BMERB1: variants seen among roughly 807,000 people sequenced by gnomAD.
The protein encoded by BMERB1 is bMERB domain-containing protein 1.
In BMERB1, 12 loss-of-function variants were observed where a neutral mutation model predicts 23.6. The ratio of observed to expected loss-of-function variants is 0.51; its 90% CI spans 0.33 to 0.82. The LOEUF (loss-of-function observed/expected upper bound fraction) is 0.82. BMERB1 is among the 40% of genes least tolerant of loss of function. The pLI is 0.03. For missense variants in BMERB1, 247 were observed against 255.4 expected (o/e 0.97, Z 0.22); for synonymous variants, 122 against 96.6 (o/e 1.26, Z -1.54).
chr16:15,533,068 C>T (rs924749478), intron 2 of BMERB1: 28 of 454,322 alleles, frequency 6.2e-5, no homozygotes, highest in Non-Finnish European at 1.1e-4. Context: ...TCCAGTATCT[C>T]GCAGGGTGGT....
intron 1 of BMERB1, among the ~76,000 whole-genome samples, chr16:15,465,468 T>G (rs1461197370): frequency 1.3e-5 from 2 of 151,700 alleles, no homozygotes; most frequent in African/African-American, 2.4e-5. Context: ...TTCTCATGCC[T>G]CAGCCTCCCA....
At chr16:15,538,302 A>T (rs2150961896) in intron 2 of BMERB1, among the ~76,000 whole-genome samples, 1 of 152,166 alleles carries the variant, frequency 6.6e-6, no homozygotes, top group Admixed American at 6.5e-5. Flanking sequence ...AAAATACAAA[A>T]ATTAACTGGG....
At chr16:15,455,932 A>G (rs1315587224) in intron 1 of BMERB1, among the ~76,000 whole-genome samples, 1 of 152,172 alleles carries the variant, frequency 6.6e-6, no homozygotes, top group East Asian at 1.9e-4. Flanking sequence ...ATTCTTAATG[A>G]CAATTTGTGG....
intron 1 of BMERB1, among the ~76,000 whole-genome samples, chr16:15,442,731 C>T (rs1045266464): frequency 6.6e-5 from 10 of 152,040 alleles, no homozygotes; most frequent in African/African-American, 2.2e-4. Flanking sequence ...ATGGGGAAAC[C>T]GAGGTTTCAG....
chr16:15,559,713 A>G (rs1383651337), intron 2 of BMERB1, among the ~76,000 whole-genome samples: 1 of 152,198 alleles, frequency 6.6e-6, no homozygotes, highest in Non-Finnish European at 1.5e-5. Context: ...CCTAACCCTG[A>G]TGGACAGCTT....
intron 1 of BMERB1, among the ~76,000 whole-genome samples, chr16:15,504,139 C>G (rs1336555536): frequency 6.6e-6 from 1 of 152,184 alleles, no homozygotes; most frequent in Non-Finnish European, 1.5e-5. Flanking sequence ...ATGCATGGCT[C>G]AAGCGTGAGA....
At chr16:15,547,336 T>G (rs1473255698) in intron 2 of BMERB1, among the ~76,000 whole-genome samples, 1 of 149,268 alleles carries the variant, frequency 6.7e-6, no homozygotes, top group African/African-American at 2.5e-5. Flanking sequence ...TTTGTTTTTT[T>G]CTTCTTCTTT....
At chr16:15,561,316 T>C (rs1465482227) in intron 2 of BMERB1, among the ~76,000 whole-genome samples, 1 of 128,108 alleles carries the variant, frequency 7.8e-6, no homozygotes, top group Non-Finnish European at 1.6e-5. Context: ...TTGGCCAGGC[T>C]GGAGTGCAGT....
intron 1 of BMERB1, among the ~76,000 whole-genome samples, chr16:15,439,884 T>C (rs1455384639): frequency 6.6e-6 from 1 of 152,072 alleles, no homozygotes; most frequent in African/African-American, 2.4e-5. Context: ...TCTTAAAGGA[T>C]GATCAAGATT....
intron 1 of BMERB1, among the ~76,000 whole-genome samples, chr16:15,509,078 G>A (rs1273256432): frequency 2.6e-5 from 4 of 151,946 alleles, no homozygotes; most frequent in East Asian, 1.9e-4. Context: ...ATCCTCCCCC[G>A]GGGATGGAGG....
intron 1 of BMERB1, among the ~76,000 whole-genome samples, chr16:15,476,223 C>T (rs767307268): frequency 2.1e-5 from 3 of 142,008 alleles, no homozygotes; most frequent in African/African-American, 5.3e-5. Context: ...AGTGCAGTGG[C>T]GTGATCTTGG....
At chr16:15,526,197 A>G (rs932144053) in intron 2 of BMERB1, among the ~76,000 whole-genome samples, 1 of 152,110 alleles carries the variant, frequency 6.6e-6, no homozygotes, top group African/African-American at 2.4e-5. Flanking sequence ...CCCTAGAGAA[A>G]CTACACATGA....
At chr16:15,516,236 C>T (rs191173182) in intron 2 of BMERB1, among the ~76,000 whole-genome samples, 4 of 152,012 alleles carry the variant, frequency 2.6e-5, no homozygotes, top group African/African-American at 9.7e-5. Flanking sequence ...CCAGACAGGG[C>T]AATGTAGCCA....
intron 1 of BMERB1, among the ~76,000 whole-genome samples, chr16:15,464,994 A>T (rs1361701352): frequency 6.6e-6 from 1 of 152,136 alleles, no homozygotes; most frequent in African/African-American, 2.4e-5. Flanking sequence ...AAGCCAGCAT[A>T]GATGAAGACC....
chr16:15,490,379 C>T (rs1430987894), intron 1 of BMERB1, among the ~76,000 whole-genome samples: 1 of 152,130 alleles, frequency 6.6e-6, no homozygotes, highest in Non-Finnish European at 1.5e-5. Context: ...AACTCCTAGG[C>T]TCAAGTGATC....
intron 1 of BMERB1, chr16:15,448,020 G>T: frequency 4.8e-6 from 2 of 416,538 alleles, no homozygotes; most frequent in East Asian, 1.4e-4. Context: ...CTCCTGAGTA[G>T]CCGGAATTAC....
intron 2 of BMERB1, among the ~76,000 whole-genome samples, chr16:15,535,328 G>A (rs1261463305): frequency 1.3e-5 from 2 of 152,164 alleles, no homozygotes; most frequent in African/African-American, 2.4e-5. Context: ...TCCAGTCTGG[G>A]CAACAGAGTG....
At chr16:15,530,189 C>T (rs866598145) in intron 2 of BMERB1, among the ~76,000 whole-genome samples, 1 of 152,154 alleles carries the variant, frequency 6.6e-6, no homozygotes, top group African/African-American at 2.4e-5. Context: ...AAATGTATGC[C>T]TAGCATTCCA....
chr16:15,523,618 T>C (rs1237423252), intron 2 of BMERB1, among the ~76,000 whole-genome samples: 2 of 152,176 alleles, frequency 1.3e-5, no homozygotes, highest in Admixed American at 6.5e-5. Context: ...TCTTACCAAC[T>C]GTGTGGCCTG....
Sources: gnomAD v4.1 joint callset for allele counts (sites outside exome capture counted in the v4.1 genomes callset) on GRCh38, gnomAD v4.1.1 for gene constraint, MANE v1.5 for transcripts, NCBI Gene and HGNC (gene_info 2026-07-23, HGNC 2026-07-21) for gene names.